KMT2C: variants seen among roughly 807,000 people sequenced by gnomAD.
KMT2C encodes the protein histone-lysine N-methyltransferase 2C.
Under a neutral mutation model 507.9 loss-of-function variants are expected in KMT2C, and 88 were observed. That is an observed-to-expected ratio of 0.17 (90% CI 0.15 to 0.21). The LOEUF is 0.21. KMT2C is among the 10% of genes least tolerant of loss of function. The pLI, the probability that KMT2C is intolerant of heterozygous loss-of-function variation, is 1.00. For missense variants in KMT2C, 4,954 were observed against 5,957.8 expected, an observed-to-expected ratio of 0.83 and a Z score of 5.55; for synonymous variants, 2,049 against 2,080.8, an observed-to-expected ratio of 0.98 and a Z score of 0.42.
At chr7:152,300,991 G>A (rs774104320) in intron 6 of KMT2C, among the ~76,000 whole-genome samples, 1 of 152,088 alleles carries the variant, frequency 6.6e-6, no homozygotes, top group African/African-American at 2.4e-5. Flanking sequence ...CAGGGAGGCA[G>A]AGGTTGCAGT....
intron 1 of KMT2C, among the ~76,000 whole-genome samples, chr7:152,427,915 C>T (rs1350795731): frequency 6.6e-6 from 1 of 152,146 alleles, no homozygotes; most frequent in Non-Finnish European, 1.5e-5. Context: ...TCTTCCTCCC[C>T]ATTCGCACTA....
intron 3 of KMT2C, among the ~76,000 whole-genome samples, chr7:152,326,487 G>A (rs1024023723): frequency 4.7e-4 from 72 of 151,862 alleles, no homozygotes; most frequent in African/African-American, 1.7e-3. Context: ...AAAAATACAT[G>A]TGATTTTTGC....
intron 1 of KMT2C, among the ~76,000 whole-genome samples, chr7:152,396,299 AAAAAATACAT>A (rs1179747157): frequency 6.6e-6 from 1 of 152,206 alleles, no homozygotes; most frequent in African/African-American, 2.4e-5. Context: ...AAAATTAATT[AAAAAATACAT>A]AAATGAAAAG....
chr7:152,274,983 A>G (rs1227073116), intron 6 of KMT2C, among the ~76,000 whole-genome samples: 3 of 152,196 alleles, frequency 2.0e-5, no homozygotes, highest in African/African-American at 7.2e-5. Context: ...CTTAGCTGAG[A>G]TAACTGGAGC....
At chr7:152,387,383 A>C (rs2097438750) in intron 1 of KMT2C, among the ~76,000 whole-genome samples, 1 of 151,790 alleles carries the variant, frequency 6.6e-6, no homozygotes, top group Non-Finnish European at 1.5e-5. Flanking sequence ...ACCTACATTA[A>C]TCACAATATA....
At chr7:152,296,517 A>G (rs1006479868) in intron 6 of KMT2C, among the ~76,000 whole-genome samples, 2 of 151,772 alleles carry the variant, frequency 1.3e-5, no homozygotes, top group African/African-American at 4.8e-5. Context: ...CTTAATTAAC[A>G]TAATAATAAA....
At chr7:152,384,955 A>G (rs920159685) in intron 1 of KMT2C, among the ~76,000 whole-genome samples, 2 of 152,222 alleles carry the variant, frequency 1.3e-5, no homozygotes, top group African/African-American at 4.8e-5. Context: ...TAATGAATCA[A>G]CAGATCTAGG....
chr7:152,368,640 G>T, intron 1 of KMT2C: 1 of 1,459,810 alleles, frequency 6.9e-7, no homozygotes, highest in Non-Finnish European at 9.5e-7. Flanking sequence ...AAAAGAACAA[G>T]AAGAAAGGGA....
chr7:152,258,635 C>CT (rs2095703789), intron 9 of KMT2C, among the ~76,000 whole-genome samples: 1 of 152,068 alleles, frequency 6.6e-6, no homozygotes. Context: ...AGCAATTCTC[C>CT]TGTCTCGGCA....
At chr7:152,427,767 C>A (rs2097833061) in intron 1 of KMT2C, among the ~76,000 whole-genome samples, 1 of 152,178 alleles carries the variant, frequency 6.6e-6, no homozygotes, top group Non-Finnish European at 1.5e-5. Flanking sequence ...TAAGTCACAT[C>A]TTTAAATACT....
chr7:152,355,243 T>C (rs141342823), intron 2 of KMT2C, among the ~76,000 whole-genome samples: 3 of 152,264 alleles, frequency 2.0e-5, no homozygotes, highest in East Asian at 3.9e-4. Flanking sequence ...ACAGTGGCAA[T>C]ATACCAGAGG....
At chr7:152,433,255 GATTA>G (rs1472619302) in intron 1 of KMT2C, among the ~76,000 whole-genome samples, 1 of 152,076 alleles carries the variant, frequency 6.6e-6, no homozygotes, top group Admixed American at 6.5e-5. Flanking sequence ...TAGCAAAGAA[GATTA>G]ATTTTCATTT....
chr7:152,360,789 C>A (rs1000651883), intron 1 of KMT2C, among the ~76,000 whole-genome samples: 1 of 150,788 alleles, frequency 6.6e-6, no homozygotes, highest in Non-Finnish European at 1.5e-5. Flanking sequence ...GCAGAAGTTG[C>A]GGTGAGCCGA....
Position 152,162,860 on chromosome 7 carries a change from C to A in KMT2C, c.10717G>T (p.Asp3573Tyr). 1.9e-6 allele frequency: 3 copies of A among 1,614,156 alleles called. No individual in the cohort carries two copies. In the East Asian group the frequency reaches 6.7e-5, roughly 36 times the overall value. ...CTGTGTCCATGGGTTATAGTAGAAT[C>A]TTGGCCACATGGGAGACTGCTATTA... ...VANSSLPCGQ[D>Y]STITHGHSYP... The change falls in exon 43 of 59, where the codon GAT (aspartate) becomes TAT (tyrosine). Residue 3573 changes from aspartate to tyrosine, a missense_variant. Transcript: ENST00000262189.
At chr7:152,342,585 G>A (rs1405749198) in intron 2 of KMT2C, among the ~76,000 whole-genome samples, 1 of 152,184 alleles carries the variant, frequency 6.6e-6, no homozygotes, top group South Asian at 2.1e-4. Flanking sequence ...TACCTGAGCA[G>A]AAACCCATGG....
intron 23 of KMT2C, among the ~76,000 whole-genome samples, chr7:152,219,473 C>T (rs1179339779): frequency 6.6e-6 from 1 of 151,842 alleles, no homozygotes; most frequent in African/African-American, 2.4e-5. Context: ...AAGCCAGCTG[C>T]AGTGGCGCAT....
intron 3 of KMT2C, among the ~76,000 whole-genome samples, chr7:152,326,808 G>C (rs2096832888): frequency 6.6e-6 from 1 of 152,214 alleles, no homozygotes; most frequent in Non-Finnish European, 1.5e-5. Context: ...GCGAACCCGG[G>C]AGGCGGAGCC....
intron 2 of KMT2C, among the ~76,000 whole-genome samples, chr7:152,357,628 T>G (rs2097163151): frequency 6.6e-6 from 1 of 151,694 alleles, no homozygotes; most frequent in South Asian, 2.1e-4. Flanking sequence ...AAAAACCATA[T>G]GAAAAAGAAT....
chr7:152,408,454 C>T (rs1215403391), intron 1 of KMT2C, among the ~76,000 whole-genome samples: 2 of 152,246 alleles, frequency 1.3e-5, no homozygotes, highest in African/African-American at 4.8e-5. Flanking sequence ...TTCCCCCCAC[C>T]TATAGCTGCA....
Sources: allele counts gnomAD v4.1 joint callset (sites outside exome capture counted in the v4.1 genomes callset), GRCh38; gene constraint gnomAD v4.1.1; transcripts MANE v1.5; gene names NCBI Gene and HGNC (gene_info 2026-07-23, HGNC 2026-07-21).